RNF130: variants seen among roughly 807,000 people sequenced by gnomAD.
The protein encoded by RNF130 is E3 ubiquitin-protein ligase RNF130.
RNF130 carries 21 observed loss-of-function variants against 44.6 expected under a neutral mutation model. That is an observed-to-expected ratio of 0.47 (90% CI 0.33 to 0.68). The LOEUF (loss-of-function observed/expected upper bound fraction) is 0.68, where lower values mean the gene tolerates loss of function less well. RNF130 is among the 30% of genes least tolerant of loss of function. The pLI is 0.02. For synonymous variants in RNF130, 214 were observed against 210.4 expected (o/e 1.02, Z -0.15); for missense variants, 479 against 560.6 (o/e 0.85, Z 1.47).
chr5:179,970,350 T>G (rs949253608), intron 6 of RNF130, 60 bp downstream of exon 6: 1 of 1,222,036 alleles, frequency 8.2e-7, no homozygotes, highest in Non-Finnish European at 1.2e-6. Flanking sequence ...TATGTTATAT[T>G]GTATTACACA....
chr5:180,036,732 T>C (rs774440816), intron 2 of RNF130, among the ~76,000 whole-genome samples: 1 of 151,900 alleles, frequency 6.6e-6, no homozygotes, highest in Non-Finnish European at 1.5e-5. Context: ...CTGTTATTTT[T>C]AATCCTACCT....
At chr5:179,928,094 G>A (rs1761732158) in intron 7 of RNF130, among the ~76,000 whole-genome samples, 1 of 152,096 alleles carries the variant, frequency 6.6e-6, no homozygotes, top group Non-Finnish European at 1.5e-5. Context: ...TAATCTTTAC[G>A]GACAGGCATT....
chr5:180,004,403 A>T (rs1041276040), intron 3 of RNF130, among the ~76,000 whole-genome samples: 75 of 152,230 alleles, frequency 4.9e-4, no homozygotes, highest in Non-Finnish European at 1.8e-4. Flanking sequence ...CAAAGGAGAA[A>T]AACCAAGCCC....
At chr5:179,969,699 TAAAA>T (rs1479738300) in intron 6 of RNF130, among the ~76,000 whole-genome samples, 1 of 150,382 alleles carries the variant, frequency 6.6e-6, no homozygotes, top group Non-Finnish European at 1.5e-5. Flanking sequence ...CTTCAAAACA[TAAAA>T]AAGTGGCCAG....
chr5:180,038,225 T>C (rs543371234), intron 2 of RNF130, among the ~76,000 whole-genome samples: 12 of 149,200 alleles, frequency 8.0e-5, no homozygotes, highest in Non-Finnish European at 1.0e-4. Context: ...TGCTAATTTT[T>C]GTATTTTTTT....
chr5:179,959,361 C>G (rs2113696444), intron 8 of RNF130, among the ~76,000 whole-genome samples: 1 of 152,130 alleles, frequency 6.6e-6, no homozygotes, highest in South Asian at 2.1e-4. Flanking sequence ...GTACTGAGCA[C>G]TCAAGCCTGT....
At chr5:179,945,577 A>G (rs1487552139) in intron 7 of RNF130, among the ~76,000 whole-genome samples, 3 of 152,098 alleles carry the variant, frequency 2.0e-5, no homozygotes, top group Non-Finnish European at 2.9e-5. Flanking sequence ...AGGCTGGGAG[A>G]GGTCAAGCAG....
At chr5:180,067,387 C>T (rs529285952) in intron 1 of RNF130, among the ~76,000 whole-genome samples, 4 of 152,166 alleles carry the variant, frequency 2.6e-5, no homozygotes, top group South Asian at 2.1e-4. Flanking sequence ...ATCACTGGCA[C>T]GGCAATAGAA....
At chr5:180,002,048 A>G (rs1201987267) in intron 3 of RNF130, among the ~76,000 whole-genome samples, 1 of 151,920 alleles carries the variant, frequency 6.6e-6, no homozygotes, top group African/African-American at 2.4e-5. Flanking sequence ...CAGGGAGCAT[A>G]CTCTTTTGGG....
In RNF130 at chr5:179,963,340, C is replaced by T. The variant is rs983706191; in HGVS notation, c.1244+131G>A. The T allele has an allele frequency of 7.6e-6, 5 of 657,178 alleles. No individual in the cohort carries two copies. In the African/African-American group the frequency reaches 9.1e-5, roughly 12 times the overall value. 40.7% of individuals were successfully genotyped at this position (657,178 alleles called of 1,614,324 possible). ...TATGCTCATGAAATAAAGTATTTTG[C>T]TAGATACGATCCCATCAGGATCCGT... On this transcript the variant is annotated intron_variant, in intron 8 of 8. Coordinates refer to ENST00000521389, the MANE Select transcript of RNF130 (RefSeq NM_018434.6).
chr5:179,994,535 T>G (rs1763159898), intron 3 of RNF130, among the ~76,000 whole-genome samples: 1 of 152,152 alleles, frequency 6.6e-6, no homozygotes, highest in Non-Finnish European at 1.5e-5. Context: ...TGATGTAATT[T>G]GAGTAGGATT....
intron 1 of RNF130, among the ~76,000 whole-genome samples, chr5:180,053,868 C>T (rs1223020317): frequency 2.0e-5 from 3 of 149,892 alleles, no homozygotes; most frequent in Admixed American, 6.7e-5. Context: ...CTCACTCTGT[C>T]GCCCAGGCTG....
intron 7 of RNF130, among the ~76,000 whole-genome samples, chr5:179,945,309 T>C (rs574064881): frequency 3.3e-5 from 5 of 152,132 alleles, no homozygotes; most frequent in African/African-American, 7.2e-5. Context: ...TGGGACCCAA[T>C]GGACCCAAAC....
intron 7 of RNF130, chr5:179,920,514 T>C: frequency 1.5e-6 from 1 of 652,562 alleles, no homozygotes; most frequent in Non-Finnish European, 2.8e-6. Flanking sequence ...AGATTATCTT[T>C]GAAGCATGAC....
intron 1 of RNF130, among the ~76,000 whole-genome samples, chr5:180,042,990 A>T (rs1764461722): frequency 6.6e-6 from 1 of 152,228 alleles, no homozygotes; most frequent in Non-Finnish European, 1.5e-5. Context: ...AGATAGTCTT[A>T]TCTCACAGAA....
intron 1 of RNF130, among the ~76,000 whole-genome samples, chr5:180,041,252 CAT>C (rs2113141171): frequency 6.6e-6 from 1 of 152,302 alleles, no homozygotes; most frequent in East Asian, 1.9e-4. Context: ...GTTAAAATAA[CAT>C]CTAAGTAGAA....
At chr5:180,023,547 A>T (rs1310506453) in intron 2 of RNF130, among the ~76,000 whole-genome samples, 1 of 152,204 alleles carries the variant, frequency 6.6e-6, no homozygotes, top group Non-Finnish European at 1.5e-5. Context: ...ACCAAAACAA[A>T]AAAACAAAAA....
intron 5 of RNF130, among the ~76,000 whole-genome samples, chr5:179,972,555 G>A (rs1762608648): frequency 6.6e-6 from 1 of 151,958 alleles, no homozygotes; most frequent in Non-Finnish European, 1.5e-5. Flanking sequence ...CTTGACTTCT[G>A]ATCAGGGCTC....
chr5:180,007,727 G>A (rs569535551), intron 3 of RNF130, among the ~76,000 whole-genome samples: 4 of 152,264 alleles, frequency 2.6e-5, no homozygotes, highest in South Asian at 2.1e-4. Flanking sequence ...AAACAAGCTC[G>A]CAGTTTGTGG....
Sources: allele counts gnomAD v4.1 joint callset (sites outside exome capture counted in the v4.1 genomes callset), GRCh38; gene constraint gnomAD v4.1.1; transcripts MANE v1.5; gene names NCBI Gene and HGNC (gene_info 2026-07-23, HGNC 2026-07-21).